The following KCTD9 variants were observed in gnomAD, a reference collection of about 807,000 sequenced individuals.
The protein encoded by KCTD9 is BTB/POZ domain-containing protein KCTD9.
In KCTD9, 17 loss-of-function variants were observed where a neutral mutation model predicts 53.3. That is an observed-to-expected ratio of 0.32 (90% CI 0.22 to 0.48). KCTD9 has a LOEUF of 0.48. Among genes scored for constraint, KCTD9 ranks in the 20% least tolerant of loss-of-function variants. The pLI is 0.99. For missense variants in KCTD9, 179 were observed against 465.5 expected (o/e 0.38, Z 5.66); for synonymous variants, 128 against 162.7 (o/e 0.79, Z 1.62).
chr8:25,435,526 G>A lies in KCTD9; in HGVS notation c.664-14C>T, dbSNP rs1236374988. 6.3e-7 allele frequency: 1 copy of A among 1,580,030 alleles called. No homozygotes were observed. The highest frequency in any genetic ancestry group is 8.6e-7 in the Non-Finnish European group (1 of 1,164,908). ...GAAGTTCAAACCCTGAAATAAAAAA[G>A]CACAAATTGTCACCATAACTAAATC... On this transcript the variant is annotated splice_polypyrimidine_tract_variant and intron_variant, in intron 8 of 11. Coordinates refer to ENST00000221200, the MANE Select transcript of KCTD9 (RefSeq NM_017634.4).
At position 25,429,751 on chromosome 8, in the gene KCTD9, A is replaced by G; in HGVS notation, c.*106T>C. On this transcript the variant is annotated 3_prime_UTR_variant, in exon 12 of 12. Coordinates refer to ENST00000221200, the MANE Select transcript of KCTD9 (RefSeq NM_017634.4). ...AATCCTCTAAATGTTTTTTTTTTAA[A>G]TTTCCTTACAGTGTTATTTCTTCTA... 1.5e-6 allele frequency: 1 copy of G among 680,676 alleles called. No individual in the cohort carries two copies. Among genetic ancestry groups the G allele is most frequent in the Admixed American group, 2.4e-5 (1 of 42,406 alleles). The allele number at this position is 680,676 out of a possible 1,614,324, so 42.2% of individuals were successfully genotyped here. A position where few individuals can be genotyped will look rare whatever the true frequency, so the allele number is the denominator to read the frequency against.
chr8:25,444,420 A>T, intron 2 of KCTD9, 85 bp from the exon 3 acceptor site: 1 of 1,256,060 alleles, frequency 8.0e-7, no homozygotes. Context: ...TATTCCTTAC[A>T]ATTATATAGA....
rs1802138207 is a variant in KCTD9, at chr8:25,442,335, A to G, written c.215-1662T>C. Among the ~76,000 whole-genome samples the G allele has an allele frequency of 2.6e-5, 4 of 152,176 alleles. No individual in the cohort carries two copies. The South Asian group carries it at 8.3e-4, about 32-fold the overall frequency. ...AAAATAATCACATAAGAAAGATCAG[A>G]TTTTTTGAGACCAACACCTCAGGCC... On this transcript the variant is annotated intron_variant, in intron 3 of 11. Transcript: ENST00000221200.
chr8:25,441,969 A>G (rs1802131334), intron 3 of KCTD9, among the ~76,000 whole-genome samples: 1 of 152,186 alleles, frequency 6.6e-6, no homozygotes, highest in Non-Finnish European at 1.5e-5. Flanking sequence ...ATACCACTGC[A>G]CTACAGCCTG....
chr8:25,447,529 A>G (rs1435831077), intron 1 of KCTD9, among the ~76,000 whole-genome samples: 2 of 152,236 alleles, frequency 1.3e-5, no homozygotes, highest in Non-Finnish European at 2.9e-5. Context: ...CAGTGACTGG[A>G]ATAGAGTGGA....
Position 25,441,809 on chromosome 8 carries a change from G to A in KCTD9, c.215-1136C>T, listed in dbSNP as rs866595006. 3.3e-5 allele frequency among the ~76,000 whole-genome samples: 5 copies of A among 152,028 alleles called. No homozygotes were observed. In the South Asian group the frequency reaches 1.0e-3, roughly 32 times the overall value. On this transcript the variant is annotated intron_variant, in intron 3 of 11. Coordinates refer to ENST00000221200, the MANE Select transcript of KCTD9 (RefSeq NM_017634.4). ...GAGTTCGAGACCAGCCTGGGCAACA[G>A]GGCAAAACCCCAAAACCCCATCTCT...
chr8:25,438,370 AAAGT>A (rs1472397397), intron 6 of KCTD9, among the ~76,000 whole-genome samples: 4 of 152,148 alleles, frequency 2.6e-5, no homozygotes, highest in Non-Finnish European at 5.9e-5. Context: ...AGCAACACTA[AAAGT>A]TAATGGGTGT....
chr8:25,432,691 T>A, intron 10 of KCTD9, 54 bp from the exon 11 acceptor site: 1 of 1,512,968 alleles, frequency 6.6e-7, no homozygotes, highest in Non-Finnish European at 8.9e-7. Context: ...GTTATCTACC[T>A]TCAACAGAAC....
At chr8:25,441,415 A>G (rs549639136) in intron 3 of KCTD9, among the ~76,000 whole-genome samples, 21 of 152,202 alleles carry the variant, frequency 1.4e-4, no homozygotes, top group Non-Finnish European at 2.9e-5. Flanking sequence ...TGTTAAAATA[A>G]TAATTGTCCT....
rs1202934975 is a variant in KCTD9, at chr8:25,444,404, AG to A, written c.171-70del. On this transcript the variant is annotated intron_variant, in intron 2 of 11. Transcript: ENST00000221200. ...ATCACATTAATTATCTGTTGCTTAT[AG>A]GAACTATTCCTTACAATTATATAGA... The A allele has an allele frequency of 2.1e-6, 3 of 1,411,750 alleles. No individual in the cohort carries two copies. In the African/African-American group the frequency reaches 4.3e-5, roughly 20 times the overall value. The allele number at this position is 1,411,750 out of a possible 1,614,324, so 87.5% of individuals were successfully genotyped here.
rs924667374 is a variant in KCTD9, at chr8:25,454,246, T to C, written c.48+3953A>G. ...GAAAAGTTATTTCTTGGACCAAGAA[T>C]GAAAACACGGTACAGAATGAAAGTA... On this transcript the variant is annotated intron_variant, in intron 1 of 11. Transcript: ENST00000221200. Among the ~76,000 whole-genome samples, 4 of 152,320 alleles carry C rather than the reference T, an allele frequency of 2.6e-5. No individual in the cohort carries two copies. In the East Asian group the frequency reaches 5.8e-4, roughly 22 times the overall value.
At chr8:25,434,393 A>G (rs1219521629) in intron 9 of KCTD9, among the ~76,000 whole-genome samples, 2 of 152,160 alleles carry the variant, frequency 1.3e-5, no homozygotes, top group Admixed American at 1.3e-4. Context: ...CACGCAGCCA[A>G]GAGTTTTAAA....
intron 2 of KCTD9, 96 bp downstream of exon 2, chr8:25,446,033 A>C: frequency 6.8e-7 from 1 of 1,471,274 alleles, no homozygotes; most frequent in Admixed American, 2.1e-5. Flanking sequence ...AAAATCCTGT[A>C]CTCTTAACAG....
At position 25,458,425 on chromosome 8, in the gene KCTD9, C is replaced by A; in HGVS notation, c.-179G>T. On this transcript the variant is annotated 5_prime_UTR_variant, in exon 1 of 12. Coordinates refer to ENST00000221200, the MANE Select transcript of KCTD9 (RefSeq NM_017634.4). Reference sequence around the variant, plus strand: ...ACTCTGTCCCACACCCAAGGTTCGGCCGGTCCTCCTTCCCACCCCGCCCCT... The same window carrying A: ...ACTCTGTCCCACACCCAAGGTTCGGACGGTCCTCCTTCCCACCCCGCCCCT... 1.4e-6 allele frequency: 1 copy of A among 701,880 alleles called. No individual in the cohort carries two copies. The highest frequency in any genetic ancestry group is 1.8e-5 in the African/African-American group (1 of 56,380). The allele number at this position is 701,880 out of a possible 1,614,324, so 43.5% of individuals were successfully genotyped here. A position where few individuals can be genotyped will look rare whatever the true frequency, so the allele number is the denominator to read the frequency against.
intron 10 of KCTD9, 148 bp from the exon 11 acceptor site, chr8:25,432,785 C>G (rs1801953841): frequency 1.5e-6 from 1 of 655,210 alleles, no homozygotes; most frequent in African/African-American, 1.9e-5. Context: ...TATATATAAA[C>G]AGTTTACTGA....
chr8:25,458,253 G>T lies in KCTD9; in HGVS notation c.-7C>A, dbSNP rs775590502. ...ACAGGGTCACCCGCCTCATCGCGCT[G>T]CCCCCGCTGGGTCCTGAGTGAGCCG... On this transcript the variant is annotated 5_prime_UTR_variant, in exon 1 of 12. Transcript: ENST00000221200. 6.2e-7 allele frequency: 1 copy of T among 1,608,712 alleles called. No individual in the cohort carries two copies. The highest frequency in any genetic ancestry group is 8.5e-7 in the Non-Finnish European group (1 of 1,179,042).
chr8:25,447,927 G>A (rs186193954), intron 1 of KCTD9, among the ~76,000 whole-genome samples: 25 of 152,222 alleles, frequency 1.6e-4, no homozygotes, highest in Admixed American at 3.9e-4. Flanking sequence ...AGGAGTTCGA[G>A]ACCTGCCTGG....
intron 3 of KCTD9, among the ~76,000 whole-genome samples, chr8:25,442,729 T>A (rs957352916): frequency 6.6e-6 from 1 of 152,234 alleles, no homozygotes; most frequent in Non-Finnish European, 1.5e-5. Context: ...AATGGCTATA[T>A]GTTCCGACAA....
At chr8:25,447,811 C>T (rs1364703254) in intron 1 of KCTD9, among the ~76,000 whole-genome samples, 1 of 152,024 alleles carries the variant, frequency 6.6e-6, no homozygotes, top group Non-Finnish European at 1.5e-5. Flanking sequence ...TATATATATA[C>T]AATGGAATAT....
Sources: allele counts gnomAD v4.1 joint callset (sites outside exome capture counted in the v4.1 genomes callset), GRCh38; gene constraint gnomAD v4.1.1; transcripts MANE v1.5; gene names NCBI Gene and HGNC (gene_info 2026-07-23, HGNC 2026-07-21).